GIMAP6: variants seen among roughly 807,000 people sequenced by gnomAD.
The protein encoded by GIMAP6 is GTPase, IMAP family member 6, also known as GTPase IMAP family member 6.
In GIMAP6, 6 loss-of-function variants were observed where a neutral mutation model predicts 9.3. That is an observed-to-expected ratio of 0.65 (90% CI 0.35 to 1.27). GIMAP6 has a LOEUF of 1.27. GIMAP6 is among the 50% of genes most tolerant of loss of function. The pLI, the probability that GIMAP6 is intolerant of heterozygous loss-of-function variation, is 0.03. For missense variants in GIMAP6, 333 were observed against 359.5 expected, an observed-to-expected ratio of 0.93 and a Z score of 0.60; for synonymous variants, 156 against 151.1, an observed-to-expected ratio of 1.03 and a Z score of -0.24.
intron 2 of GIMAP6, 97 bp from the exon 3 acceptor site, chr7:150,628,609 AG>A: frequency 1.9e-6 from 3 of 1,593,230 alleles, no homozygotes; most frequent in Non-Finnish European, 2.5e-6. Flanking sequence ...CCCAGACTGC[AG>A]GGGCAGATTG....
In GIMAP6 at chr7:150,627,025, T is replaced by C. The variant is rs1354782461; in HGVS notation, c.*694A>G. On this transcript the variant is annotated 3_prime_UTR_variant, in exon 3 of 3. Coordinates refer to ENST00000328902, the MANE Select transcript of GIMAP6 (RefSeq NM_024711.6). ...ACCACCTACTTGACCACAGTCTGAC[T>C]TCTTGGATACCCTGCCCCAAACTTC... is the stretch of plus-strand genomic sequence containing the variant. The C allele has an allele frequency of 5.2e-5, 8 of 152,948 alleles. No homozygotes were observed. Among genetic ancestry groups the C allele is most frequent in the African/African-American group, 1.9e-4 (8 of 41,460 alleles). 9.5% of individuals were successfully genotyped at this position (152,948 alleles called of 1,614,324 possible).
chr7:150,628,283 C>T lies in GIMAP6; in HGVS notation c.315G>A (p.Ser105=), dbSNP rs144096765. The change falls in exon 3 of 3, where the codon TCG becomes TCA. Residue 105 remains serine (S), a synonymous_variant. Coordinates refer to ENST00000328902, the MANE Select transcript of GIMAP6 (RefSeq NM_024711.6). ...GGCAGATAGCGTCTGCCACCTCTGG[C>T]GAGACCTGGGGGGACAGAATGTTGG... ...DTPNILSPQV[S]PEVADAICQA... 6.9e-5 allele frequency: 112 copies of T among 1,614,112 alleles called. No homozygotes were observed. The African/African-American group carries it at 1.2e-3, about 17-fold the overall frequency.
intron 1 of GIMAP6, among the ~76,000 whole-genome samples, chr7:150,631,384 C>T (rs1209041938): frequency 6.6e-6 from 1 of 152,216 alleles, no homozygotes; most frequent in African/African-American, 2.4e-5. Flanking sequence ...CAGACCTGAA[C>T]AGCCAGATTC....
rs368681321 is a variant in GIMAP6 at position 150,625,674 on chromosome 7, G to GT, written c.*2044dup. ...CAATTCCCTCAAACTTAACATAAATGTAAGACATTGCCAACTAGAATACCA... is the reference window on the plus strand; with the variant it reads ...CAATTCCCTCAAACTTAACATAAATGTTAAGACATTGCCAACTAGAATACCA... On this transcript the variant is annotated 3_prime_UTR_variant, in exon 3 of 3. Coordinates refer to ENST00000328902, the MANE Select transcript of GIMAP6 (RefSeq NM_024711.6). 277 of 152,162 alleles carry GT rather than the reference G, an allele frequency of 1.8e-3. No individual in the cohort carries two copies. The highest frequency in any genetic ancestry group is 5.9e-3 in the African/African-American group (243 of 41,494). 9.4% of individuals were successfully genotyped at this position (152,162 alleles called of 1,614,324 possible). A position where few individuals can be genotyped will look rare whatever the true frequency, so the allele number is the denominator to read the frequency against.
intron 2 of GIMAP6, 149 bp downstream of exon 2, chr7:150,629,909 C>A (rs1483463768): frequency 1.2e-5 from 8 of 653,860 alleles, no homozygotes; most frequent in Admixed American, 2.9e-5. Context: ...AGGGCCCTAC[C>A]CCAAAGGCCT....
At chr7:150,628,582 G>C in intron 2 of GIMAP6, 70 bp from the exon 3 acceptor site, 1 of 1,599,820 alleles carries the variant, frequency 6.3e-7, no homozygotes, top group Non-Finnish European at 8.5e-7. Context: ...TCATCACCAG[G>C]AGCCTCTGGG....
At position 150,628,411 on chromosome 7, in the gene GIMAP6, T is replaced by G. The variant is rs532823075; in HGVS notation, c.187A>C (p.Arg63=). 1.9e-6 allele frequency: 3 copies of G among 1,614,186 alleles called. No homozygotes were observed. The highest frequency in any genetic ancestry group is 2.5e-6 in the Non-Finnish European group (3 of 1,180,012). Residue 63 remains arginine, a synonymous_variant, in exon 3 of 3, where the codon AGG becomes CGG. Coordinates refer to ENST00000328902, the MANE Select transcript of GIMAP6 (RefSeq NM_024711.6). ...CTGAGTTTAGACTCGAAGACGTCCC[T>G]GCCGAGGATGCTGTTTCCTGTTGCA... The part of the protein sequence containing the change: ...KSATGNSILG[R]DVFESKLSTR...
intron 2 of GIMAP6, chr7:150,628,819 C>T: frequency 8.0e-7 from 1 of 1,250,158 alleles, no homozygotes; most frequent in Non-Finnish European, 1.1e-6. Context: ...AGGGAATTCC[C>T]TTCTCCTGGC....
chr7:150,628,692 T>C (rs1188224042), intron 2 of GIMAP6, 180 bp from the exon 3 acceptor site: 86 of 1,540,220 alleles, frequency 5.6e-5, no homozygotes, highest in Non-Finnish European at 7.5e-5. Context: ...AAGGTGGGGC[T>C]GAACGTTCTC....
chr7:150,628,468 T>C lies in GIMAP6; in HGVS notation c.130A>G (p.Ile44Val), dbSNP rs140856543. ...CCACTCCCTGTTTTCCCCATGAGAA[T>C]GAGCCTCAGTCTCCTTGGGGTCTTC... ...EQKTPRRLRLILMGKTGSGKS... is the reference protein window; with the variant it reads ...EQKTPRRLRLVLMGKTGSGKS... The change falls in exon 3 of 3, where the codon ATT becomes GTT. Residue 44 changes from isoleucine (I) to valine (V), a missense_variant. Ile to Val is a conservative substitution (Grantham distance 29, BLOSUM62 3). Transcript: ENST00000328902. 1 of 1,614,204 alleles carries C rather than the reference T, an allele frequency of 6.2e-7. No individual in the cohort carries two copies. The highest frequency in any genetic ancestry group is 8.5e-7 in the Non-Finnish European group (1 of 1,180,018).
chr7:150,630,484 GGGAGGTGGAGGAAGGGAAGAAGGA>G (rs1179389197), intron 1 of GIMAP6, among the ~76,000 whole-genome samples: 4 of 152,288 alleles, frequency 2.6e-5, no homozygotes, highest in African/African-American at 7.2e-5. Context: ...GGGAGGTGGG[GGGAGGTGGAGGAAGGGAAGAAGGA>G]GGAGGTGGAG....
rs748784901 is a variant in GIMAP6 at position 150,627,676 on chromosome 7, G to A, written c.*43C>T. 48 of 1,610,560 alleles carry A rather than the reference G, an allele frequency of 3.0e-5. No individual in the cohort carries two copies. Among genetic ancestry groups the A allele is most frequent in the Non-Finnish European group, 4.0e-5 (47 of 1,177,582 alleles). On this transcript the variant is annotated 3_prime_UTR_variant, in exon 3 of 3. Coordinates refer to ENST00000328902, the MANE Select transcript of GIMAP6 (RefSeq NM_024711.6). ...GAAACAGAGGGCTGGACACAGGGGG[G>A]TGCAAAGGCTGATGGTGTCCTTGGC...
rs1399253368 is a variant in GIMAP6, at chr7:150,632,272, A to C, written c.-104T>G. 1 of 152,302 alleles carries C rather than the reference A, an allele frequency of 6.6e-6. No individual in the cohort carries two copies. The highest frequency in any genetic ancestry group is 2.4e-5 in the African/African-American group (1 of 41,456). The allele number at this position is 152,302 out of a possible 1,614,324, so 9.4% of individuals were successfully genotyped here. ...AAAAGCTTCCACAGTGTATGAACACAAGGAGGACAAGGCCGATGTTTGCTT... is the reference window on the plus strand; with the variant it reads ...AAAAGCTTCCACAGTGTATGAACACCAGGAGGACAAGGCCGATGTTTGCTT... On this transcript the variant is annotated 5_prime_UTR_variant, in exon 1 of 3. Coordinates refer to ENST00000328902, the MANE Select transcript of GIMAP6 (RefSeq NM_024711.6).
In GIMAP6 at chr7:150,630,151, A is replaced by T; in HGVS notation, c.1-9T>A. On this transcript the variant is annotated splice_polypyrimidine_tract_variant and intron_variant, in intron 1 of 2. Transcript: ENST00000328902. ...TATTCTTCTTCCTCCATCTACAAAA[A>T]AAAAAAAAAAAAAAAAATCATATGT... The T allele has an allele frequency of 1.5e-6, 2 of 1,364,446 alleles. No homozygotes were observed. Among genetic ancestry groups the T allele is most frequent in the Admixed American group, 2.5e-5 (1 of 40,178 alleles). The allele number at this position is 1,364,446 out of a possible 1,614,324, so 84.5% of individuals were successfully genotyped here.
chr7:150,631,649 A>G (rs1796393859), intron 1 of GIMAP6, among the ~76,000 whole-genome samples: 1 of 152,174 alleles, frequency 6.6e-6, no homozygotes, highest in East Asian at 1.9e-4. Flanking sequence ...GTCTGCACGC[A>G]AGGCACCTCC....
chr7:150,632,016 ACACT>A (rs1796399676), intron 1 of GIMAP6, among the ~76,000 whole-genome samples, 149 bp downstream of exon 1: 1 of 151,794 alleles, frequency 6.6e-6, no homozygotes, highest in African/African-American at 2.4e-5. Flanking sequence ...CACACACACA[ACACT>A]CACATACACA....
In GIMAP6 at chr7:150,627,459, T is replaced by C. The variant is rs1476485338; in HGVS notation, c.*260A>G. 8 of 552,910 alleles carry C rather than the reference T, an allele frequency of 1.4e-5. No individual in the cohort carries two copies. In the African/African-American group the frequency reaches 1.5e-4, roughly 10 times the overall value. The allele number at this position is 552,910 out of a possible 1,614,324, so 34.3% of individuals were successfully genotyped here. On this transcript the variant is annotated 3_prime_UTR_variant, in exon 3 of 3. Transcript: ENST00000328902. ...ACTCATGAAAGGCAATGCAATGAGATAGAAGGTCCAATAGGAAGACAGCGT... is the reference window on the plus strand; with the variant it reads ...ACTCATGAAAGGCAATGCAATGAGACAGAAGGTCCAATAGGAAGACAGCGT...
At chr7:150,628,911 T>A in intron 2 of GIMAP6, 1 of 508,338 alleles carries the variant, frequency 2.0e-6, no homozygotes, top group Non-Finnish European at 3.4e-6. Context: ...CTGAAGACAT[T>A]GATGTATCTC....
At chr7:150,629,285 A>G (rs2116784106) in intron 2 of GIMAP6, among the ~76,000 whole-genome samples, 1 of 152,360 alleles carries the variant, frequency 6.6e-6, no homozygotes, top group Non-Finnish European at 1.5e-5. Context: ...GCTAACCTTG[A>G]TTGCTATAAC....
Sources: gnomAD v4.1 joint callset for allele counts (sites outside exome capture counted in the v4.1 genomes callset) on GRCh38, gnomAD v4.1.1 for gene constraint, MANE v1.5 for transcripts, NCBI Gene and HGNC (gene_info 2026-07-23, HGNC 2026-07-21) for gene names.